Variants in GNA12 observed in about 807,000 individuals in gnomAD.
The protein encoded by GNA12 is G protein subunit alpha 12.
GNA12 carries 9 observed loss-of-function variants against 26.0 expected under a neutral mutation model. The observed-to-expected ratio is 0.35, with a 90% CI of 0.21 to 0.60. The LOEUF is 0.60. Among genes scored for constraint, GNA12 ranks in the 20% least tolerant of loss-of-function variants. The probability of loss-of-function intolerance (pLI) is 0.78; values close to 1 mark genes in which losing one functional copy is unlikely to be tolerated. For missense variants in GNA12, 405 were observed against 525.8 expected, an observed-to-expected ratio of 0.77 and a Z score of 2.25; for synonymous variants, 264 against 219.6, an observed-to-expected ratio of 1.20 and a Z score of -1.79.
chr7:2,735,344 G>C (rs535402351), intron 2 of GNA12, among the ~76,000 whole-genome samples: 1 of 152,330 alleles, frequency 6.6e-6, no homozygotes, highest in South Asian at 2.1e-4. Context: ...CAGGCACGAA[G>C]GAAGCAGAGG....
chr7:2,784,800 T>C (rs569016308), intron 2 of GNA12, among the ~76,000 whole-genome samples: 14 of 152,320 alleles, frequency 9.2e-5, no homozygotes, highest in African/African-American at 3.1e-4. Flanking sequence ...GTTGCAATTT[T>C]CCCCAAATTT....
intron 1 of GNA12, among the ~76,000 whole-genome samples, chr7:2,828,864 T>C (rs566929948): frequency 4.2e-4 from 64 of 152,294 alleles, no homozygotes; most frequent in African/African-American, 1.4e-3. Context: ...GAGACCAGCC[T>C]GGGCAACATG....
chr7:2,814,304 A>T, intron 1 of GNA12: 1 of 1,483,010 alleles, frequency 6.7e-7, no homozygotes, highest in Non-Finnish European at 9.4e-7. Context: ...GAACGGAGTG[A>T]GACTCACCCT....
At chr7:2,825,649 C>T (rs998134983) in intron 1 of GNA12, among the ~76,000 whole-genome samples, 9 of 152,120 alleles carry the variant, frequency 5.9e-5, no homozygotes, top group East Asian at 1.9e-4. Context: ...GGCTGAGGGC[C>T]GCTATAGTTT....
chr7:2,753,016 T>C (rs1791111935), intron 2 of GNA12, among the ~76,000 whole-genome samples: 1 of 152,226 alleles, frequency 6.6e-6, no homozygotes, highest in Non-Finnish European at 1.5e-5. Flanking sequence ...GCCATCCTCC[T>C]TCTTCCACCA....
chr7:2,823,577 G>A (rs1334326496), intron 1 of GNA12, among the ~76,000 whole-genome samples: 2 of 152,118 alleles, frequency 1.3e-5, no homozygotes, highest in African/African-American at 4.8e-5. Flanking sequence ...TTGCTTAAAA[G>A]AATTAGAACA....
At chr7:2,762,797 G>A (rs1371784246) in intron 2 of GNA12, 2 of 1,535,376 alleles carry the variant, frequency 1.3e-6, no homozygotes, top group Admixed American at 2.0e-5. Flanking sequence ...GGGAGGAGGA[G>A]CACTCAGGGC....
intron 1 of GNA12, among the ~76,000 whole-genome samples, chr7:2,800,340 G>A (rs1012906575): frequency 6.6e-6 from 1 of 152,222 alleles, no homozygotes; most frequent in African/African-American, 2.4e-5. Flanking sequence ...AAAGACAGGG[G>A]GAGAAGTGAC....
At chr7:2,823,044 A>G (rs1793404394) in intron 1 of GNA12, among the ~76,000 whole-genome samples, 2 of 152,210 alleles carry the variant, frequency 1.3e-5, no homozygotes, top group African/African-American at 4.8e-5. Flanking sequence ...TACAGTTACC[A>G]ACCACTCTGA....
At chr7:2,762,491 A>ACAG (rs1791608626) in intron 2 of GNA12, 8 of 767,390 alleles carry the variant, frequency 1.0e-5, no homozygotes, top group Admixed American at 3.8e-5. Context: ...GCGGGGCCTG[A>ACAG]GGTGTGAGTA....
At chr7:2,778,970 T>C (rs1344781583) in intron 2 of GNA12, among the ~76,000 whole-genome samples, 1 of 152,242 alleles carries the variant, frequency 6.6e-6, no homozygotes, top group African/African-American at 2.4e-5. Flanking sequence ...TTATTTCAAC[T>C]GTAAGCCTTC....
At chr7:2,753,793 A>G (rs1016135253) in intron 2 of GNA12, among the ~76,000 whole-genome samples, 26 of 151,896 alleles carry the variant, frequency 1.7e-4, no homozygotes, top group African/African-American at 4.4e-4. Flanking sequence ...CTCCTGTGCC[A>G]TAAGTTTTTG....
At chr7:2,828,043 CAAGAATT>C (rs1200105081) in intron 1 of GNA12, among the ~76,000 whole-genome samples, 7 of 151,956 alleles carry the variant, frequency 4.6e-5, no homozygotes, top group Non-Finnish European at 1.0e-4. Flanking sequence ...CTGAAGTTAC[CAAGAATT>C]AAGAAACAAG....
intron 1 of GNA12, among the ~76,000 whole-genome samples, chr7:2,830,847 C>A (rs933959014): frequency 1.3e-5 from 2 of 152,050 alleles, no homozygotes; most frequent in Non-Finnish European, 1.5e-5. Context: ...AGGCTGAGGT[C>A]GGAAGATCAC....
chr7:2,796,172 C>T (rs1057458373), intron 1 of GNA12, among the ~76,000 whole-genome samples: 1 of 152,154 alleles, frequency 6.6e-6, no homozygotes, highest in Non-Finnish European at 1.5e-5. Context: ...GCCTCCACCC[C>T]TTATCCGTGG....
intron 1 of GNA12, among the ~76,000 whole-genome samples, chr7:2,797,924 T>C (rs545977890): frequency 6.6e-6 from 1 of 151,938 alleles, no homozygotes; most frequent in South Asian, 2.1e-4. Context: ...AATGTATGGA[T>C]AAAAAAAATA....
intron 1 of GNA12, among the ~76,000 whole-genome samples, chr7:2,798,671 T>TA (rs1792736328): frequency 6.6e-6 from 1 of 152,214 alleles, no homozygotes; most frequent in Non-Finnish European, 1.5e-5. Flanking sequence ...TGAAAATTTA[T>TA]ATGAAAAAGC....
At chr7:2,838,177 A>G (rs73051469) in intron 1 of GNA12, among the ~76,000 whole-genome samples, 15,004 of 151,814 alleles carry the variant, frequency 0.099, 941 homozygotes, top group Middle Eastern at 0.19. Flanking sequence ...AGGACAGTTC[A>G]TGCCTGTAAT....
At chr7:2,779,167 T>C (rs1251159185) in intron 2 of GNA12, among the ~76,000 whole-genome samples, 1 of 152,138 alleles carries the variant, frequency 6.6e-6, no homozygotes, top group East Asian at 1.9e-4. Context: ...GACCCCAGCC[T>C]GGGCAACATG....
Sources: allele counts gnomAD v4.1 joint callset (sites outside exome capture counted in the v4.1 genomes callset), GRCh38; gene constraint gnomAD v4.1.1; transcripts MANE v1.5; gene names NCBI Gene and HGNC (gene_info 2026-07-23, HGNC 2026-07-21).